The following TBX20 variants were observed in gnomAD, a reference collection of about 807,000 sequenced individuals.
TBX20 encodes the protein T-box transcription factor TBX20.
Under a neutral mutation model 42.9 loss-of-function variants are expected in TBX20, and 8 were observed. The ratio of observed to expected loss-of-function variants is 0.19; its 90% confidence interval spans 0.11 to 0.34. The LOEUF (loss-of-function observed/expected upper bound fraction) is 0.34, where lower values mean the gene tolerates loss of function less well. Ranked by LOEUF, TBX20 falls within the 10% of genes least tolerant of loss-of-function variation. The probability of loss-of-function intolerance (pLI) is 1.00; values close to 1 mark genes in which losing one functional copy is unlikely to be tolerated. For synonymous variants in TBX20, 198 were observed against 222.8 expected (o/e 0.89, Z 0.99); for missense variants, 411 against 566.0 (o/e 0.73, Z 2.78).
rs773741868 is a variant in TBX20 at position 35,245,055 on chromosome 7, A to AG, written c.547dup (p.Leu183ProfsTer12). On this transcript the variant is annotated frameshift_variant and splice_region_variant, in exon 4 of 8. Transcript: ENST00000408931. LOFTEE classifies it high-confidence loss of function. The stretch of plus-strand genomic sequence containing the variant: ...AAAAGGAGAATCTGGATGCACATAG[A>AG]GCCTAAGAAAATTAGGAGAAAACTT... The AG allele has an allele frequency of 6.2e-7, 1 of 1,609,922 alleles. No individual in the cohort carries two copies. The highest frequency in any genetic ancestry group is 1.3e-5 in the African/African-American group (1 of 74,968).
chr7:35,234,105 C>A (rs962840960), intron 5 of TBX20, among the ~76,000 whole-genome samples: 8 of 152,154 alleles, frequency 5.3e-5, no homozygotes, highest in Non-Finnish European at 1.2e-4. Context: ...TTTCTACAGA[C>A]AACAGATAAT....
intron 6 of TBX20, among the ~76,000 whole-genome samples, chr7:35,215,852 T>C (rs1163179528): frequency 6.6e-6 from 1 of 152,128 alleles, no homozygotes; most frequent in Non-Finnish European, 1.5e-5. Context: ...TCAGAACCAT[T>C]TGAAGTCATT....
At chr7:35,253,218 C>G (rs1184069954) in intron 1 of TBX20, among the ~76,000 whole-genome samples, 1 of 152,126 alleles carries the variant, frequency 6.6e-6, no homozygotes, top group African/African-American at 2.4e-5. Context: ...GTTTTTAACC[C>G]AACAAACATA....
intron 5 of TBX20, among the ~76,000 whole-genome samples, chr7:35,237,814 G>A (rs4723400): frequency 0.079 from 11,948 of 152,052 alleles, 718 homozygotes; most frequent in Admixed American, 0.18. Flanking sequence ...TGTTAAGGAT[G>A]ATCATCATCG....
At chr7:35,241,066 T>C (rs1257136524) in intron 4 of TBX20, 29 bp from the exon 5 acceptor site, 1 of 1,607,564 alleles carries the variant, frequency 6.2e-7, no homozygotes, top group Admixed American at 1.7e-5. Flanking sequence ...AAGTACTGAA[T>C]TTTACATACT....
intron 1 of TBX20, among the ~76,000 whole-genome samples, chr7:35,251,379 T>C (rs1790303258): frequency 6.6e-6 from 1 of 152,182 alleles, no homozygotes; most frequent in South Asian, 2.1e-4. Context: ...AACAGAGTGG[T>C]TTTACTTTTA....
At chr7:35,252,336 G>A (rs1421363779) in intron 1 of TBX20, among the ~76,000 whole-genome samples, 1 of 151,754 alleles carries the variant, frequency 6.6e-6, no homozygotes, top group Non-Finnish European at 1.5e-5. Flanking sequence ...GATGGGAGGT[G>A]GGTGGGAAGA....
intron 6 of TBX20, among the ~76,000 whole-genome samples, chr7:35,207,588 GT>G (rs911796384): frequency 6.6e-6 from 1 of 152,060 alleles, no homozygotes; most frequent in African/African-American, 2.4e-5. Context: ...TTTTCTCCTA[GT>G]TTTTTTCTGT....
intron 6 of TBX20, among the ~76,000 whole-genome samples, chr7:35,216,774 A>T (rs535912302): frequency 3.7e-4 from 56 of 152,366 alleles, no homozygotes; most frequent in African/African-American, 1.3e-3. Context: ...TCTCCTAAAT[A>T]TAGACCTGGC....
chr7:35,229,313 T>C (rs1028037410), intron 6 of TBX20, among the ~76,000 whole-genome samples: 1 of 152,218 alleles, frequency 6.6e-6, no homozygotes, highest in Non-Finnish European at 1.5e-5. Flanking sequence ...ATTCAATTAC[T>C]AGATGGTTTA....
intron 6 of TBX20, among the ~76,000 whole-genome samples, chr7:35,207,084 C>T (rs1022666899): frequency 2.4e-4 from 37 of 152,284 alleles, no homozygotes; most frequent in African/African-American, 8.9e-4. Flanking sequence ...TTTAAAGAAA[C>T]TGCCAAACTA....
rs1253670314 is a variant in TBX20 at position 35,202,655 on chromosome 7, T to G, written c.1119A>C (p.Ala373=). ...GGTGAGGAATGGGTGTTGCTATGGA[T>G]GCTGTGCTGGTGCCAAGAGCAGTCA... ...QSLTALGTST[A]SIATPIPHPI... The change falls in exon 8 of 8, where the codon GCA becomes GCC. Residue 373 remains alanine, a synonymous_variant. Transcript: ENST00000408931. 1 of 1,613,678 alleles carries G rather than the reference T, an allele frequency of 6.2e-7. No homozygotes were observed. The highest frequency in any genetic ancestry group is 1.7e-5 in the Admixed American group (1 of 59,974).
chr7:35,226,926 G>A (rs1162001073), intron 6 of TBX20, among the ~76,000 whole-genome samples: 1 of 152,012 alleles, frequency 6.6e-6, no homozygotes, highest in Non-Finnish European at 1.5e-5. Flanking sequence ...TCCAGAAGAA[G>A]GCATTATCAT....
At chr7:35,242,985 AATT>A (rs1790112404) in intron 4 of TBX20, among the ~76,000 whole-genome samples, 1 of 152,036 alleles carries the variant, frequency 6.6e-6, no homozygotes, top group Admixed American at 6.6e-5. Context: ...TATTAAATAT[AATT>A]TTTTTTTGAG....
rs137852954 is a variant in TBX20, at chr7:35,248,766, G to T, written c.456C>A (p.Ile152=). The part of the protein sequence containing the change: ...PEAKYIVLMD[I]VPVDNKRYRY... ...GGTACCTCTTGTTGTCCACAGGGAC[G>T]ATGTCCATCAGGACTATGTACTTGG... The change falls in exon 3 of 8, where the codon ATC becomes ATA. Residue 152 remains isoleucine (I), a synonymous_variant. Transcript: ENST00000408931. 1 of 1,614,146 alleles carries T rather than the reference G, an allele frequency of 6.2e-7. No individual in the cohort carries two copies. The highest frequency in any genetic ancestry group is 1.1e-5 in the South Asian group (1 of 91,086).
chr7:35,204,435 TC>T lies in TBX20; in HGVS notation c.1003+34del, dbSNP rs1290809859. Reference sequence around the variant, plus strand: ...CCCATTCTCCTTTAGGTGCTCTGCCTCCCAGCAATTCCATGGCCTTGGAAAC... The same window carrying T: ...CCCATTCTCCTTTAGGTGCTCTGCCTCCAGCAATTCCATGGCCTTGGAAAC... On this transcript the variant is annotated intron_variant, in intron 7 of 7. Transcript: ENST00000408931. The T allele has an allele frequency of 2.1e-6, 3 of 1,457,866 alleles. No individual in the cohort carries two copies. In the South Asian group the frequency reaches 3.5e-5, roughly 17 times the overall value. The allele number at this position is 1,457,866 out of a possible 1,614,324, so 90.3% of individuals were successfully genotyped here.
At chr7:35,226,866 A>C (rs990912888) in intron 6 of TBX20, among the ~76,000 whole-genome samples, 1 of 152,126 alleles carries the variant, frequency 6.6e-6, no homozygotes, top group African/African-American at 2.4e-5. Flanking sequence ...ACTTATCAAA[A>C]AAAAAAAGTT....
intron 6 of TBX20, among the ~76,000 whole-genome samples, chr7:35,230,182 G>A (rs1461509478): frequency 1.3e-5 from 2 of 152,112 alleles, no homozygotes; most frequent in Non-Finnish European, 2.9e-5. Flanking sequence ...AGGGCTTCTG[G>A]CCCTCAGAAA....
chr7:35,248,219 T>C (rs1248584942), intron 3 of TBX20, among the ~76,000 whole-genome samples: 2 of 152,208 alleles, frequency 1.3e-5, no homozygotes, highest in Admixed American at 1.3e-4. Flanking sequence ...TTGTTTATTA[T>C]ATGCAGTTAT....
Sources: allele counts gnomAD v4.1 joint callset (sites outside exome capture counted in the v4.1 genomes callset), GRCh38; gene constraint gnomAD v4.1.1; transcripts MANE v1.5; gene names NCBI Gene and HGNC (gene_info 2026-07-23, HGNC 2026-07-21).